SYT17: variants seen among roughly 807,000 people sequenced by gnomAD.
SYT17 encodes the protein synaptotagmin-17.
Under a neutral mutation model 46.7 loss-of-function variants are expected in SYT17, and 22 were observed. That is an observed-to-expected ratio of 0.47 (90% CI 0.34 to 0.67). The LOEUF (loss-of-function observed/expected upper bound fraction) is 0.67. Among genes scored for constraint, SYT17 ranks in the 30% least tolerant of loss-of-function variants. SYT17 has a pLI of 0.01. For synonymous variants in SYT17, 251 were observed against 248.4 expected, an observed-to-expected ratio of 1.01 and a Z score of -0.10; for missense variants, 519 against 612.8, an observed-to-expected ratio of 0.85 and a Z score of 1.62.
chr16:19,259,465 C>T (rs1968809220), intron 7 of SYT17, among the ~76,000 whole-genome samples: 1 of 152,172 alleles, frequency 6.6e-6, no homozygotes, highest in Non-Finnish European at 1.5e-5. Flanking sequence ...TGTTATTTGC[C>T]TCTTCACCAA....
chr16:19,243,819 C>CAA lies in SYT17; in HGVS notation c.1228+19007_1228+19008dup, dbSNP rs760219447. On this transcript the variant is annotated intron_variant, in intron 7 of 7. Coordinates refer to ENST00000355377, the MANE Select transcript of SYT17 (RefSeq NM_016524.4). ...GGCAACAAGAGCGAAAAAACTCCAT[C>CAA]AAAAAAAAAAAAAAAAAAAAAAAAA... Among the ~76,000 whole-genome samples the CAA allele has an allele frequency of 2.5e-3, 144 of 56,918 alleles. 5 individuals are homozygous for CAA. Among genetic ancestry groups the CAA allele is most frequent in the African/African-American group, 6.4e-3 (94 of 14,788 alleles). 37.3% of individuals were successfully genotyped at this position (56,918 alleles called of 152,430 possible).
intron 7 of SYT17, among the ~76,000 whole-genome samples, chr16:19,250,706 T>C (rs1967997344): frequency 7.0e-6 from 1 of 142,386 alleles, no homozygotes; most frequent in Non-Finnish European, 1.5e-5. Context: ...TGAACCACCA[T>C]GCGTGGCCCC....
chr16:19,244,014 A>G (rs1450564103), intron 7 of SYT17, among the ~76,000 whole-genome samples: 1 of 152,102 alleles, frequency 6.6e-6, no homozygotes. Context: ...TCATGGGAAG[A>G]GCTCCTAACT....
At chr16:19,202,251 G>A (rs1156717029) in intron 5 of SYT17, among the ~76,000 whole-genome samples, 2 of 152,096 alleles carry the variant, frequency 1.3e-5, no homozygotes, top group Admixed American at 1.3e-4. Context: ...TAATAAATTG[G>A]GAGTTCCCAC....
intron 5 of SYT17, among the ~76,000 whole-genome samples, chr16:19,216,535 C>A (rs1333047671): frequency 6.6e-6 from 1 of 152,016 alleles, no homozygotes; most frequent in Non-Finnish European, 1.5e-5. Context: ...CTCCCTTAGC[C>A]CCCCAACCCC....
At chr16:19,189,338 C>CTTT (rs35195326) in intron 5 of SYT17, among the ~76,000 whole-genome samples, 4 of 129,568 alleles carry the variant, frequency 3.1e-5, no homozygotes, top group African/African-American at 5.9e-5. Flanking sequence ...CTCAACCTGT[C>CTTT]TTTTTTTTTT....
chr16:19,196,547 G>T (rs1596931547), intron 5 of SYT17, among the ~76,000 whole-genome samples: 1 of 83,812 alleles, frequency 1.2e-5, no homozygotes. Context: ...CCCAGCTGAA[G>T]AATTTTTTTT....
At chr16:19,243,813 C>A (rs1967316619) in intron 7 of SYT17, among the ~76,000 whole-genome samples, 2 of 65,648 alleles carry the variant, frequency 3.0e-5, no homozygotes, top group Non-Finnish European at 5.6e-5. Flanking sequence ...AGCGAAAAAA[C>A]TCCATCAAAA....
At chr16:19,169,248 A>G (rs1395696885) in intron 1 of SYT17, among the ~76,000 whole-genome samples, 1 of 147,984 alleles carries the variant, frequency 6.8e-6, no homozygotes, top group African/African-American at 2.5e-5. Flanking sequence ...GACCCTCTTC[A>G]CCTTGAAGAA....
chr16:19,211,682 G>A (rs1422992027), intron 5 of SYT17, among the ~76,000 whole-genome samples: 6 of 151,532 alleles, frequency 4.0e-5, no homozygotes, highest in Non-Finnish European at 8.8e-5. Flanking sequence ...GTGCAGTGGC[G>A]GGATCTCAGC....
chr16:19,179,152 G>A (rs1305300315), intron 3 of SYT17, among the ~76,000 whole-genome samples: 1 of 152,106 alleles, frequency 6.6e-6, no homozygotes, highest in African/African-American at 2.4e-5. Flanking sequence ...TTGAGACAGG[G>A]TCTCTTGCTG....
intron 5 of SYT17, among the ~76,000 whole-genome samples, chr16:19,187,586 A>T (rs1229149415): frequency 1.3e-5 from 2 of 152,234 alleles, no homozygotes; most frequent in Non-Finnish European, 2.9e-5. Flanking sequence ...CATACTAGTG[A>T]GGCAAGAAGC....
intron 7 of SYT17, among the ~76,000 whole-genome samples, chr16:19,260,336 CAA>C (rs34504914): frequency 0.33 from 7,467 of 22,408 alleles, 649 homozygotes; most frequent in East Asian, 0.39. Flanking sequence ...CAGAAAATAC[CAA>C]AAAAAAAAAA....
At chr16:19,197,587 C>T (rs1373906809) in intron 5 of SYT17, among the ~76,000 whole-genome samples, 1 of 151,848 alleles carries the variant, frequency 6.6e-6, no homozygotes, top group Non-Finnish European at 1.5e-5. Context: ...TAGCTGGGAC[C>T]ACAGTCGTGA....
Position 19,173,475 on chromosome 16 carries a change from T to G in SYT17, c.79T>G (p.Cys27Gly), listed in dbSNP as rs1964187687. 1.3e-6 allele frequency: 2 copies of G among 1,546,294 alleles called. No individual in the cohort carries two copies. The highest frequency in any genetic ancestry group is 1.8e-6 in the Non-Finnish European group (2 of 1,137,570). Residue 27 changes from cysteine (C) to glycine (G), a missense_variant, in exon 3 of 8, where the codon TGC becomes GGC. By Grantham distance (159) the Cys-to-Gly change is radical. Transcript: ENST00000355377. ...ISGLLLCRWT[C>G]RHCCQKCYES... The stretch of plus-strand genomic sequence containing the variant: ...TGGTCTGCTGCTGTGCAGATGGACC[T>G]GCCGGCACTGCTGTCAGAAGTGCTA...
Position 19,180,514 on chromosome 16 carries a change from A to C in SYT17, c.306A>C (p.Thr102=). 6.2e-7 allele frequency: 1 copy of C among 1,614,188 alleles called. No homozygotes were observed. The highest frequency in any genetic ancestry group is 8.5e-7 in the Non-Finnish European group (1 of 1,180,046). Residue 102 remains threonine, a synonymous_variant, in exon 4 of 8, where the codon ACA becomes ACC. Coordinates refer to ENST00000355377, the MANE Select transcript of SYT17 (RefSeq NM_016524.4). ...CGTCCTCAGACACATCCAAGTCTAC[A>C]TACAGCCTGACGCGGAGGATTTCGA... ...RRSSSDTSKS[T]YSLTRRISSL... is the part of the protein sequence containing the mutation.
intron 5 of SYT17, among the ~76,000 whole-genome samples, chr16:19,188,892 T>A (rs891161470): frequency 2.0e-5 from 3 of 152,118 alleles, no homozygotes; most frequent in African/African-American, 7.2e-5. Flanking sequence ...GTGTCTCTTC[T>A]CTTCTTTTTT....
chr16:19,245,170 A>T (rs1311435343), intron 7 of SYT17, among the ~76,000 whole-genome samples: 2 of 152,148 alleles, frequency 1.3e-5, no homozygotes, highest in Admixed American at 6.5e-5. Flanking sequence ...TCACCTGCTG[A>T]CTTATGAAAG....
chr16:19,225,689 C>T (rs1247213064), intron 7 of SYT17, among the ~76,000 whole-genome samples: 2 of 152,132 alleles, frequency 1.3e-5, no homozygotes, highest in African/African-American at 4.8e-5. Flanking sequence ...GATTTAGTTC[C>T]CTGCAGGCTG....
Sources: gnomAD v4.1 joint callset for allele counts (sites outside exome capture counted in the v4.1 genomes callset) on GRCh38, gnomAD v4.1.1 for gene constraint, MANE v1.5 for transcripts, NCBI Gene and HGNC (gene_info 2026-07-23, HGNC 2026-07-21) for gene names.